SUFU: variants seen among roughly 807,000 people sequenced by gnomAD.
SUFU encodes the protein SUFU negative regulator of hedgehog signaling, also known as suppressor of fused homolog.
A neutral mutation model predicts 58.9 loss-of-function variants in SUFU; 7 were observed. That is an observed-to-expected ratio of 0.12 (90% confidence interval 0.07 to 0.22). The LOEUF is 0.22. Ranked by LOEUF, SUFU falls within the 10% of genes least tolerant of loss-of-function variation. SUFU has a pLI of 1.00. For missense variants in SUFU, 451 were observed against 641.3 expected, an observed-to-expected ratio of 0.70 and a Z score of 3.20; for synonymous variants, 232 against 254.8, an observed-to-expected ratio of 0.91 and a Z score of 0.85.
At chr10:102,570,442 C>T (rs763497595) in intron 3 of SUFU, among the ~76,000 whole-genome samples, 9 of 152,096 alleles carry the variant, frequency 5.9e-5, no homozygotes, top group Non-Finnish European at 1.0e-4. Context: ...GGAGTTTCAC[C>T]ATGTTGACCA....
chr10:102,519,485 C>A (rs2062520719), intron 2 of SUFU, among the ~76,000 whole-genome samples: 1 of 146,530 alleles, frequency 6.8e-6, no homozygotes, highest in African/African-American at 2.5e-5. Context: ...TGAGATCATG[C>A]CATTGCACTC....
At chr10:102,627,894 G>C (rs537146508) in intron 11 of SUFU, among the ~76,000 whole-genome samples, 2 of 152,228 alleles carry the variant, frequency 1.3e-5, no homozygotes, top group South Asian at 2.1e-4. Context: ...CCTTATTTGC[G>C]AGGGCTTACC....
At position 102,504,341 on chromosome 10, in the gene SUFU, T is replaced by C. The variant is rs759858682; in HGVS notation, c.182+7T>C. On this transcript the variant is annotated splice_region_variant and intron_variant, in intron 1 of 11. Coordinates refer to ENST00000369902, the MANE Select transcript of SUFU (RefSeq NM_016169.4). ...CCGCTATCGTCAAGTACTGGTATGC[T>C]CTGGGCCGCGGGGAGACGGACAGGC... The C allele has an allele frequency of 3.1e-6, 5 of 1,613,992 alleles. 1 individual carries two copies. In the South Asian group the frequency reaches 3.3e-5, roughly 11 times the overall value.
At chr10:102,532,397 C>T (rs1287005596) in intron 2 of SUFU, among the ~76,000 whole-genome samples, 1 of 152,214 alleles carries the variant, frequency 6.6e-6, no homozygotes, top group Non-Finnish European at 1.5e-5. Flanking sequence ...CAGCTTACAA[C>T]ACACATTTGT....
rs780683814 is a variant in SUFU, at chr10:102,615,304, G to A, written c.1059G>A (p.Thr353=). ...ACAGCCTGGAAAGTGACAGCTCCAC[G>A]GCCATCATTCCCCATGAGCTGATTC... The part of the protein sequence containing the change: ...RKDSLESDSS[T]AIIPHELIRT... Residue 353 remains threonine (T), a synonymous_variant, in exon 9 of 12, where the codon ACG becomes ACA. Coordinates refer to ENST00000369902, the MANE Select transcript of SUFU (RefSeq NM_016169.4). The A allele has an allele frequency of 2.0e-5, 33 of 1,614,150 alleles. No homozygotes were observed. Among genetic ancestry groups the A allele is most frequent in the Non-Finnish European group, 2.5e-5 (29 of 1,180,038 alleles).
At chr10:102,521,261 A>T (rs146776577) in intron 2 of SUFU, among the ~76,000 whole-genome samples, 2 of 152,214 alleles carry the variant, frequency 1.3e-5, no homozygotes, top group Admixed American at 1.3e-4. Flanking sequence ...TGTCATCTGT[A>T]TATCTTCTTT....
At chr10:102,571,263 C>G (rs1174216156) in intron 3 of SUFU, among the ~76,000 whole-genome samples, 1 of 152,206 alleles carries the variant, frequency 6.6e-6, no homozygotes, top group Non-Finnish European at 1.5e-5. Context: ...TCACCTTACA[C>G]TAAGATGGCC....
chr10:102,605,538 G>C (rs543560858), intron 8 of SUFU, among the ~76,000 whole-genome samples: 1 of 152,252 alleles, frequency 6.6e-6, no homozygotes, highest in South Asian at 2.1e-4. Flanking sequence ...TTGGTTATTG[G>C]TGTTTACTAT....
rs1256985015 is a variant in SUFU at position 102,618,929 on chromosome 10, AGC to A, written c.1296+1503_1296+1504del. The A allele has an allele frequency of 1.9e-5, 12 of 619,702 alleles. No individual in the cohort carries two copies. The African/African-American group carries it at 4.0e-4, about 20-fold the overall frequency. 38.4% of individuals were successfully genotyped at this position (619,702 alleles called of 1,614,324 possible). A position where few individuals can be genotyped will look rare whatever the true frequency, so the allele number is the denominator to read the frequency against. On this transcript the variant is annotated intron_variant, in intron 10 of 11. Transcript: ENST00000369902. Reference sequence around the variant, plus strand: ...TCATCATTCCCAAGTGTCCTCAGGTAGCGTGTGTGTGTGTGTGTGTGTGTGTG... The same window carrying A: ...TCATCATTCCCAAGTGTCCTCAGGTAGTGTGTGTGTGTGTGTGTGTGTGTG...
rs774859476 is a variant in SUFU at position 102,550,055 on chromosome 10, A to T, written c.403A>T (p.Thr135Ser). ...KRETGESAPP[T>S]WPAELMQGLA... ...AGAAACTGGGGAGTCTGCCCCACCA[A>T]CATGGCCCGCAGAGTTAATGCAGGG... The change falls in exon 3 of 12, where the codon ACA becomes TCA. Residue 135 changes from threonine to serine, a missense_variant. Transcript: ENST00000369902. 1 of 1,614,178 alleles carries T rather than the reference A, an allele frequency of 6.2e-7. No homozygotes were observed. Among genetic ancestry groups the T allele is most frequent in the Non-Finnish European group, 8.5e-7 (1 of 1,180,032 alleles).
At chr10:102,546,829 G>A (rs993651680) in intron 2 of SUFU, among the ~76,000 whole-genome samples, 1 of 152,230 alleles carries the variant, frequency 6.6e-6, no homozygotes, top group Non-Finnish European at 1.5e-5. Flanking sequence ...CCATCTGGCC[G>A]GGCCTGTCCC....
At chr10:102,540,506 CCAGG>C (rs2135718878) in intron 2 of SUFU, among the ~76,000 whole-genome samples, 1 of 150,904 alleles carries the variant, frequency 6.6e-6, no homozygotes, top group East Asian at 2.0e-4. Context: ...CAAAAATTAG[CCAGG>C]TGTGTTGGTG....
chr10:102,534,175 TC>T (rs544671458), intron 2 of SUFU, among the ~76,000 whole-genome samples: 2 of 152,084 alleles, frequency 1.3e-5, no homozygotes, highest in South Asian at 4.1e-4. Flanking sequence ...ACGCCTGTAA[TC>T]CCAGCACTTT....
chr10:102,520,327 C>T (rs2062536570), intron 2 of SUFU, among the ~76,000 whole-genome samples: 1 of 150,638 alleles, frequency 6.6e-6, no homozygotes, highest in African/African-American at 2.5e-5. Context: ...AAGTGATTCT[C>T]CTGCCTCAGC....
intron 2 of SUFU, among the ~76,000 whole-genome samples, chr10:102,542,282 G>T (rs1161312332): frequency 2.0e-5 from 3 of 151,206 alleles, no homozygotes; most frequent in Admixed American, 6.6e-5. Context: ...ACAGGTGCAC[G>T]CCACCACTCC....
At chr10:102,572,407 T>G (rs2063171477) in intron 3 of SUFU, among the ~76,000 whole-genome samples, 1 of 148,968 alleles carries the variant, frequency 6.7e-6, no homozygotes, top group Non-Finnish European at 1.5e-5. Context: ...TTTTTTTTTT[T>G]GAGACAGAGT....
chr10:102,628,408 G>A lies in SUFU; in HGVS notation c.1365+1165G>A, dbSNP rs1028571621. ...CATTTATATATTCCAAAGCCATCAA[G>A]CACCCAGTCCATGCCAGCCAATCAA... On this transcript the variant is annotated intron_variant, in intron 11 of 11. Coordinates refer to ENST00000369902, the MANE Select transcript of SUFU (RefSeq NM_016169.4). This position sits in a 1 kb window ranked among gnomAD's most constrained non-coding sequence, Gnocchi z 4.5. 1.3e-5 allele frequency among the ~76,000 whole-genome samples: 2 copies of A among 152,146 alleles called. No individual in the cohort carries two copies. Among genetic ancestry groups the A allele is most frequent in the African/African-American group, 2.4e-5 (1 of 41,414 alleles).
chr10:102,603,746 T>C (rs2063536783), intron 8 of SUFU, among the ~76,000 whole-genome samples: 1 of 152,180 alleles, frequency 6.6e-6, no homozygotes, highest in South Asian at 2.1e-4. Context: ...ATACATAGAT[T>C]TCTCTCTACT....
chr10:102,623,570 A>G lies in SUFU; in HGVS notation c.1297-3605A>G, dbSNP rs557442020. Among the ~76,000 whole-genome samples, 15 of 152,356 alleles carry G rather than the reference A, an allele frequency of 9.8e-5. No homozygotes were observed. The South Asian group carries it at 2.3e-3, about 23-fold the overall frequency. ...GTTATCCCCATCTATATAGGCTTCT[A>G]CAGTTGGGGTGTCTTCCCCAGACAG... On this transcript the variant is annotated intron_variant, in intron 10 of 11. Transcript: ENST00000369902.
Sources: allele counts gnomAD v4.1 joint callset (sites outside exome capture counted in the v4.1 genomes callset), GRCh38; gene constraint gnomAD v4.1.1; non-coding constraint Gnocchi (gnomAD v3.1); transcripts MANE v1.5; gene names NCBI Gene and HGNC (gene_info 2026-07-23, HGNC 2026-07-21).